The following JMJD1C variants were observed in gnomAD, a reference collection of about 807,000 sequenced individuals.
JMJD1C encodes jumonji domain containing 1C, also known as jumonji domain-containing protein 1C.
JMJD1C carries 31 observed loss-of-function variants against 245.3 expected under a neutral mutation model. The observed-to-expected ratio is 0.13, with a 90% CI of 0.09 to 0.17. The LOEUF (loss-of-function observed/expected upper bound fraction) is 0.17. Among genes scored for constraint, JMJD1C ranks in the 10% least tolerant of loss-of-function variants. The pLI is 1.00. For synonymous variants in JMJD1C, 1,057 were observed against 1,017.4 expected, an observed-to-expected ratio of 1.04 and a Z score of -0.74; for missense variants, 2,691 against 3,000.2, an observed-to-expected ratio of 0.90 and a Z score of 2.41.
At chr10:63,364,643 A>C (rs1251255702) in intron 2 of JMJD1C, among the ~76,000 whole-genome samples, 4 of 151,828 alleles carry the variant, frequency 2.6e-5, no homozygotes, top group Admixed American at 6.6e-5. Context: ...GCACCACTAC[A>C]CCTGGCTAAT....
chr10:63,465,539 T>A lies in JMJD1C; in HGVS notation c.124A>T (p.Ile42Phe). ...RGWRSWRAGV[I>F]RAVSHRDSRN... ...CTGTCCCTGTGTGACACGGCTCGGA[T>A]GACCCCCGCTCGCCAGCTTCGCCAG... Residue 42 changes from isoleucine (I) to phenylalanine (F), a missense_variant, in exon 1 of 26, where the codon ATC (isoleucine) becomes TTC (phenylalanine). Physicochemically the swap from Ile to Phe is conservative, Grantham distance 21 (BLOSUM62 0). Around this residue, in one of 9 missense-constraint regions of JMJD1C, gnomAD observed 135 missense variants for 115.5 expected, o/e 1.17. Transcript: ENST00000399262. 1 of 1,601,590 alleles carries A rather than the reference T, an allele frequency of 6.2e-7. No individual in the cohort carries two copies. The highest frequency in any genetic ancestry group is 8.5e-7 in the Non-Finnish European group (1 of 1,177,702).
At chr10:63,308,410 C>A (rs1050660744) in intron 2 of JMJD1C, among the ~76,000 whole-genome samples, 2 of 151,998 alleles carry the variant, frequency 1.3e-5, no homozygotes, top group Non-Finnish European at 2.9e-5. Flanking sequence ...AAACCCTATC[C>A]ATCCTAGCCA....
chr10:63,404,255 C>A (rs1949042040), intron 1 of JMJD1C, among the ~76,000 whole-genome samples: 2 of 152,110 alleles, frequency 1.3e-5, no homozygotes, highest in African/African-American at 4.8e-5. Flanking sequence ...TTTAGAGAAA[C>A]AGCAAATTTG....
At chr10:63,333,736 T>TA (rs571661572) in intron 2 of JMJD1C, among the ~76,000 whole-genome samples, 135 of 152,132 alleles carry the variant, frequency 8.9e-4, no homozygotes, top group Middle Eastern at 3.4e-3. Flanking sequence ...TATTCTTCTG[T>TA]AAAAAAACGA....
intron 24 of JMJD1C, among the ~76,000 whole-genome samples, chr10:63,172,442 A>G (rs1842459164): frequency 6.6e-6 from 1 of 152,228 alleles, no homozygotes; most frequent in African/African-American, 2.4e-5. Flanking sequence ...ACATGTTGTT[A>G]CTGAGAACGT....
At chr10:63,409,570 T>C (rs2132651412) in intron 1 of JMJD1C, among the ~76,000 whole-genome samples, 1 of 152,284 alleles carries the variant, frequency 6.6e-6, no homozygotes, top group Middle Eastern at 3.4e-3. Context: ...GAAAAATCAA[T>C]TCTGCAGACA....
At chr10:63,347,868 T>C (rs1564816787) in intron 2 of JMJD1C, among the ~76,000 whole-genome samples, 1 of 151,944 alleles carries the variant, frequency 6.6e-6, no homozygotes, top group African/African-American at 2.4e-5. Context: ...GAGCTGAGAT[T>C]GCACCACTGC....
At position 63,176,425 on chromosome 10, in the gene JMJD1C, G is replaced by A. The variant is rs760630871; in HGVS notation, c.7273C>T (p.Arg2425Cys). 9 of 1,613,836 alleles carry A rather than the reference G, an allele frequency of 5.6e-6. No homozygotes were observed. The highest frequency in any genetic ancestry group is 3.3e-5 in the South Asian group (3 of 91,066). ...LEVLPEHDPI[R>C]DQSWYVNKKL... ...TTGTTCACATACCAACTTTGGTCAC[G>A]TATTGGATCATGTTCTGGTAGAACT... Residue 2425 changes from arginine to cysteine, a missense_variant, in exon 24 of 26, where the codon CGT becomes TGT. Transcript: ENST00000399262.
chr10:63,218,432 C>CA (rs1386528285), intron 4 of JMJD1C, among the ~76,000 whole-genome samples: 2 of 152,054 alleles, frequency 1.3e-5, no homozygotes, highest in Non-Finnish European at 2.9e-5. Flanking sequence ...GATGCGTAAA[C>CA]ACTGTTTAGT....
At chr10:63,487,854 C>T (rs917005150) in intron 1 of JMJD1C, among the ~76,000 whole-genome samples, 1 of 152,082 alleles carries the variant, frequency 6.6e-6, no homozygotes, top group African/African-American at 2.4e-5. Context: ...AAGAAACTAT[C>T]GTTTACTGTG....
At chr10:63,191,845 C>T (rs1055120755) in intron 16 of JMJD1C, among the ~76,000 whole-genome samples, 2 of 151,522 alleles carry the variant, frequency 1.3e-5, no homozygotes, top group Non-Finnish European at 2.9e-5. Flanking sequence ...ATCAGCTGGG[C>T]ATTGTGGCAC....
chr10:63,215,077 T>C lies in JMJD1C; in HGVS notation c.1090A>G (p.Met364Val), dbSNP rs745430728. Residue 364 changes from methionine (M) to valine (V), a missense_variant, in exon 8 of 26, where the codon ATG becomes GTG. Coordinates refer to ENST00000399262, the MANE Select transcript of JMJD1C (RefSeq NM_032776.3). ...ACATTGTCAGTTCGAAGTCTTTTCATATTTAGTTTCTTTTCATCCTCCTCA... is the reference window on the plus strand; with the variant it reads ...ACATTGTCAGTTCGAAGTCTTTTCACATTTAGTTTCTTTTCATCCTCCTCA... ...KPEEDEKKLN[M>V]KRLRTDNVSD... The C allele has an allele frequency of 6.9e-6, 11 of 1,597,234 alleles. No homozygotes were observed. The highest frequency in any genetic ancestry group is 9.4e-6 in the Non-Finnish European group (11 of 1,175,654).
chr10:63,235,472 G>A (rs1261180285), intron 3 of JMJD1C, among the ~76,000 whole-genome samples: 1 of 152,038 alleles, frequency 6.6e-6, no homozygotes, highest in African/African-American at 2.4e-5. Flanking sequence ...ACTCCAGCCT[G>A]GGCAGCAAGA....
At chr10:63,518,069 A>G (rs962107036) in intron 1 of JMJD1C, among the ~76,000 whole-genome samples, 2 of 152,216 alleles carry the variant, frequency 1.3e-5, no homozygotes, top group Non-Finnish European at 2.9e-5. Flanking sequence ...CTGGGATTAC[A>G]GGCATGAGCC....
intron 1 of JMJD1C, among the ~76,000 whole-genome samples, chr10:63,511,627 G>A (rs1379245067): frequency 6.6e-6 from 1 of 151,982 alleles, no homozygotes. Flanking sequence ...GGAGAATTGA[G>A]TTGCTTGAAC....
chr10:63,462,917 TCATA>T (rs990430991), intron 1 of JMJD1C, among the ~76,000 whole-genome samples: 5 of 152,088 alleles, frequency 3.3e-5, no homozygotes, highest in Admixed American at 2.0e-4. Context: ...TGGCAATTCC[TCATA>T]CATAAGACCC....
chr10:63,208,593 G>C lies in JMJD1C; in HGVS notation c.3076C>G (p.Leu1026Val), dbSNP rs1564611069. 6.2e-7 allele frequency: 1 copy of C among 1,613,996 alleles called. No homozygotes were observed. ...NKYKEEHRRI[L>V]QESIDVAPFT... is the part of the protein sequence containing the mutation. ...GGAGCAACATCAATACTTTCTTGAAGAATTCGACGGTGTTCCTCTTTGTAT... is the reference window on the plus strand; with the variant it reads ...GGAGCAACATCAATACTTTCTTGAACAATTCGACGGTGTTCCTCTTTGTAT... The change falls in exon 10 of 26, where the codon CTT (leucine) becomes GTT (valine). Residue 1026 changes from leucine to valine, a missense_variant. Leu to Val is a conservative substitution (Grantham distance 32, BLOSUM62 1). Coordinates refer to ENST00000399262, the MANE Select transcript of JMJD1C (RefSeq NM_032776.3).
intron 11 of JMJD1C, 66 bp from the exon 12 acceptor site, chr10:63,198,793 T>C (rs1055259168): frequency 8.4e-5 from 75 of 897,640 alleles, no homozygotes; most frequent in Admixed American, 1.6e-4. Context: ...GTCTTTAAAA[T>C]TGTAAATTTA....
chr10:63,366,905 AT>A (rs1393241839), intron 2 of JMJD1C, among the ~76,000 whole-genome samples: 1 of 152,228 alleles, frequency 6.6e-6, no homozygotes, highest in Non-Finnish European at 1.5e-5. Flanking sequence ...AGAAACGCAA[AT>A]CCTAATGCTG....
Sources: gnomAD v4.1 joint callset for allele counts (sites outside exome capture counted in the v4.1 genomes callset) on GRCh38, gnomAD v4.1.1 for gene constraint, gnomAD v4.1.1 regional missense constraint, MANE v1.5 for transcripts, NCBI Gene and HGNC (gene_info 2026-07-23, HGNC 2026-07-21) for gene names.